ATP11B: variants seen among roughly 807,000 people sequenced by gnomAD.
ATP11B encodes ATPase phospholipid transporting 11B (putative), also known as phospholipid-transporting ATPase IF.
ATP11B carries 81 observed loss-of-function variants against 157.8 expected under a neutral mutation model. The observed-to-expected ratio is 0.51, with a 90% CI of 0.43 to 0.62. The LOEUF is 0.62. Ranked by LOEUF, ATP11B falls within the 20% of genes least tolerant of loss-of-function variation. The pLI is 0.00. For synonymous variants in ATP11B, 451 were observed against 469.4 expected (o/e 0.96, Z 0.51); for missense variants, 1,165 against 1,402.2 (o/e 0.83, Z 2.70).
chr3:182,865,550 T>A lies in ATP11B; in HGVS notation c.1295T>A (p.Ile432Asn), dbSNP rs111933747. ...CSINGMKYQE[I>N]NGRLVPEGPT... is the part of the protein sequence containing the mutation. The stretch of plus-strand genomic sequence containing the variant: ...ATTAATGGCATGAAATACCAAGAAA[T>A]TAATGGTAGACTTGTACCCGAAGGA... The change falls in exon 13 of 30, where the codon ATT (isoleucine) becomes AAT (asparagine). Residue 432 changes from isoleucine (I) to asparagine (N), a missense_variant. By Grantham distance (149) the Ile-to-Asn change is moderately radical. Coordinates refer to ENST00000323116, the MANE Select transcript of ATP11B (RefSeq NM_014616.3). 0.023 allele frequency: 37,168 copies of A among 1,613,710 alleles called. 514 individuals are homozygous for A. The highest frequency in any genetic ancestry group is 0.027 in the Non-Finnish European group (32,408 of 1,179,776).
chr3:182,858,776 C>T (rs543151507), intron 11 of ATP11B, among the ~76,000 whole-genome samples: 75 of 152,248 alleles, frequency 4.9e-4, no homozygotes, highest in African/African-American at 1.8e-3. Context: ...TAAAGTTACA[C>T]TCAACTTTTA....
At chr3:182,897,053 GT>G (rs1452475594) in intron 26 of ATP11B, among the ~76,000 whole-genome samples, 3 of 152,100 alleles carry the variant, frequency 2.0e-5, no homozygotes, top group African/African-American at 7.2e-5. Flanking sequence ...AGGCCATGGA[GT>G]TGAAAATAGA....
chr3:182,817,344 G>A (rs954217682), intron 1 of ATP11B, among the ~76,000 whole-genome samples: 5 of 151,690 alleles, frequency 3.3e-5, no homozygotes, highest in South Asian at 2.1e-4. Context: ...GCAGTGGCAC[G>A]ATCTCAGCTC....
intron 28 of ATP11B, among the ~76,000 whole-genome samples, chr3:182,900,788 G>A (rs1723901007): frequency 6.6e-6 from 1 of 152,114 alleles, no homozygotes; most frequent in African/African-American, 2.4e-5. Context: ...GCTCACACCT[G>A]TAATTCCAGC....
intron 25 of ATP11B, among the ~76,000 whole-genome samples, chr3:182,890,262 T>G (rs1195309691): frequency 6.6e-6 from 1 of 152,240 alleles, no homozygotes. Flanking sequence ...TGGTAGGGAC[T>G]CTGGTGGACT....
At chr3:182,879,750 A>G (rs968961491) in intron 20 of ATP11B, 101 bp downstream of exon 20, 1 of 1,102,636 alleles carries the variant, frequency 9.1e-7, no homozygotes, top group Non-Finnish European at 1.2e-6. Context: ...GATGTGCAAT[A>G]TATACATTTT....
rs2108557852 is a variant in ATP11B, at chr3:182,879,382, G to T, written c.2253-114G>T. ...TTCCTGACATAACAGTCTTGTAACA[G>T]TAAGGGCTGTGGGTAAAAGATCCAT... is the stretch of plus-strand genomic sequence containing the variant. On this transcript the variant is annotated intron_variant, in intron 19 of 29. Coordinates refer to ENST00000323116, the MANE Select transcript of ATP11B (RefSeq NM_014616.3). 1.7e-5 allele frequency: 15 copies of T among 892,334 alleles called. 1 individual carries two copies. The South Asian group carries it at 3.9e-4, about 23-fold the overall frequency. The allele number at this position is 892,334 out of a possible 1,614,324, so 55.3% of individuals were successfully genotyped here.
At chr3:182,870,317 TCA>T (rs755011390) in intron 17 of ATP11B, among the ~76,000 whole-genome samples, 14 of 152,234 alleles carry the variant, frequency 9.2e-5, no homozygotes, top group East Asian at 1.9e-4. Context: ...CAGTTCTCTC[TCA>T]GTCTTAGAAC....
intron 1 of ATP11B, among the ~76,000 whole-genome samples, chr3:182,819,357 C>G (rs910975672): frequency 1.3e-5 from 2 of 152,198 alleles, no homozygotes; most frequent in Non-Finnish European, 2.9e-5. Flanking sequence ...AGGCATAAGC[C>G]AGCGCGCCCG....
At chr3:182,905,943 G>C (rs953320430) in intron 28 of ATP11B, 2 of 451,738 alleles carry the variant, frequency 4.4e-6, no homozygotes, top group Non-Finnish European at 8.9e-6. Flanking sequence ...GGACCTTCCC[G>C]GGCACTCATC....
At chr3:182,799,841 T>C (rs4859245) in intron 1 of ATP11B, among the ~76,000 whole-genome samples, 18,653 of 152,118 alleles carry the variant, frequency 0.12, 1,295 homozygotes, top group African/African-American at 0.19. Flanking sequence ...AGGCCAGGTG[T>C]GGTGGCTCAA....
intron 7 of ATP11B, among the ~76,000 whole-genome samples, chr3:182,837,744 T>C (rs1718665649): frequency 6.6e-6 from 1 of 152,056 alleles, no homozygotes; most frequent in Non-Finnish European, 1.5e-5. Context: ...AAATAAAAAC[T>C]ATTTTTCTAG....
At chr3:182,852,873 TA>T (rs1720088924) in intron 10 of ATP11B, among the ~76,000 whole-genome samples, 1 of 152,102 alleles carries the variant, frequency 6.6e-6, no homozygotes, top group African/African-American at 2.4e-5. Flanking sequence ...CTTAAACACT[TA>T]AAAAGGCACT....
Position 182,866,387 on chromosome 3 carries a change from G to C in ATP11B, c.1563G>C (p.Gln521His), listed in dbSNP as rs532752925. 1.1e-5 allele frequency: 18 copies of C among 1,613,782 alleles called. No homozygotes were observed. The East Asian group carries it at 2.2e-4, about 20-fold the overall frequency. The change falls in exon 14 of 30, where the codon CAG (glutamine) becomes CAC (histidine). Residue 521 changes from glutamine (Q) to histidine (H), a missense_variant. Around this residue, in one of 4 missense-constraint regions of ATP11B, gnomAD observed 737 missense variants for 930.5 expected, o/e 0.79. Transcript: ENST00000323116. ...GGCAATCCAACCTGGCACCATCGCA[G>C]TTGGAGTACTATGCATCTTCACCAG... ...GPWQSNLAPS[Q>H]LEYYASSPDE...
At position 182,875,582 on chromosome 3, in the gene ATP11B, C is replaced by T. The variant is rs547439802; in HGVS notation, c.2252+1567C>T. ...TCAGCCTCCTGCGTAGCTGGGATTA[C>T]AGGCATGCACCACCGTGCCCAGCTA... is the stretch of plus-strand genomic sequence containing the variant. On this transcript the variant is annotated intron_variant, in intron 19 of 29. Coordinates refer to ENST00000323116, the MANE Select transcript of ATP11B (RefSeq NM_014616.3). 2.0e-5 allele frequency among the ~76,000 whole-genome samples: 3 copies of T among 152,280 alleles called. No individual in the cohort carries two copies. In the East Asian group the frequency reaches 5.8e-4, roughly 29 times the overall value.
intron 2 of ATP11B, among the ~76,000 whole-genome samples, chr3:182,823,260 A>T (rs1037290036): frequency 2.0e-5 from 3 of 152,208 alleles, no homozygotes; most frequent in African/African-American, 7.2e-5. Context: ...CTGACATTTA[A>T]GTCTTTAATC....
At chr3:182,911,378 C>G (rs1019853644) in intron 28 of ATP11B, among the ~76,000 whole-genome samples, 2 of 148,930 alleles carry the variant, frequency 1.3e-5, no homozygotes, top group South Asian at 4.3e-4. Flanking sequence ...TTGAGCTTTC[C>G]CTCCTGTTTT....
chr3:182,892,738 A>G (rs1723259553), intron 25 of ATP11B, among the ~76,000 whole-genome samples: 1 of 152,222 alleles, frequency 6.6e-6, no homozygotes, highest in African/African-American at 2.4e-5. Flanking sequence ...TTAGTAAAGT[A>G]TAAGTCTTGA....
intron 28 of ATP11B, among the ~76,000 whole-genome samples, chr3:182,908,299 T>C (rs1428609945): frequency 7.3e-6 from 1 of 136,680 alleles, no homozygotes; most frequent in East Asian, 2.4e-4. Flanking sequence ...GACCTCCACC[T>C]CCTGGGTTCA....
Sources: allele counts gnomAD v4.1 joint callset (sites outside exome capture counted in the v4.1 genomes callset), GRCh38; gene constraint gnomAD v4.1.1; regional missense constraint gnomAD v4.1.1; transcripts MANE v1.5; gene names NCBI Gene and HGNC (gene_info 2026-07-23, HGNC 2026-07-21).